The following RAPH1 variants were observed in gnomAD, a reference collection of about 807,000 sequenced individuals.
RAPH1 encodes Ras association (RalGDS/AF-6) and pleckstrin homology domains 1.
In RAPH1, 18 loss-of-function variants were observed where a neutral mutation model predicts 88.1. The ratio of observed to expected loss-of-function variants is 0.20; its 90% CI spans 0.14 to 0.30. The LOEUF (loss-of-function observed/expected upper bound fraction) is 0.30. Among genes scored for constraint, RAPH1 ranks in the 10% least tolerant of loss-of-function variants. RAPH1 has a pLI of 1.00. For missense variants in RAPH1, 1,448 were observed against 1,543.2 expected (o/e 0.94, Z 1.03); for synonymous variants, 587 against 559.0 (o/e 1.05, Z -0.71).
chr2:203,506,781 TAG>T lies in RAPH1; in HGVS notation c.1-11430_1-11429del, dbSNP rs1408468992. 7.9e-3 allele frequency among the ~76,000 whole-genome samples: 638 copies of T among 81,202 alleles called. 16 individuals carry two copies. The highest frequency in any genetic ancestry group is 0.018 in the African/African-American group (323 of 18,300). The allele number at this position is 81,202 out of a possible 152,430, so 53.3% of individuals were successfully genotyped here. On this transcript the variant is annotated intron_variant, in intron 1 of 13. Coordinates refer to ENST00000319170, the MANE Select transcript of RAPH1 (RefSeq NM_213589.3). The stretch of plus-strand genomic sequence containing the variant: ...ATCTATATATATATCTATATATATC[TAG>T]ATATATATATCTATATATATATCTA...
intron 7 of RAPH1, among the ~76,000 whole-genome samples, chr2:203,459,630 G>C (rs1048591627): frequency 6.6e-6 from 1 of 152,120 alleles, no homozygotes. Flanking sequence ...AAAAGACCTG[G>C]TAACTCACTA....
At chr2:203,460,532 G>A (rs2098523440) in intron 6 of RAPH1, among the ~76,000 whole-genome samples, 1 of 152,014 alleles carries the variant, frequency 6.6e-6, no homozygotes, top group Non-Finnish European at 1.5e-5. Flanking sequence ...TTCTAGATAT[G>A]GATTCTTTGA....
intron 1 of RAPH1, among the ~76,000 whole-genome samples, chr2:203,502,130 G>C (rs960387892): frequency 6.6e-6 from 1 of 152,220 alleles, no homozygotes; most frequent in African/African-American, 2.4e-5. Context: ...ATAGAAGCAA[G>C]CCTGAATTAA....
rs1464061995 is a variant in RAPH1, at chr2:203,435,751, A to G, written c.*3686T>C. On this transcript the variant is annotated 3_prime_UTR_variant, in exon 14 of 14. Transcript: ENST00000319170. ...TATGAAAAACTTTTGGTAATGTACAAAAATAGGAATGGGTTTTTTACCTGT... is the reference window on the plus strand; with the variant it reads ...TATGAAAAACTTTTGGTAATGTACAGAAATAGGAATGGGTTTTTTACCTGT... The G allele has an allele frequency of 6.6e-6, 1 of 152,190 alleles. No homozygotes were observed. The highest frequency in any genetic ancestry group is 6.5e-5 in the Admixed American group (1 of 15,276). 9.4% of individuals were successfully genotyped at this position (152,190 alleles called of 1,614,324 possible). A position where few individuals can be genotyped will look rare whatever the true frequency, so the allele number is the denominator to read the frequency against.
intron 4 of RAPH1, among the ~76,000 whole-genome samples, chr2:203,464,200 G>A (rs1033793453): frequency 1.1e-4 from 17 of 152,206 alleles, no homozygotes; most frequent in African/African-American, 3.9e-4. Flanking sequence ...TTCCTGAAAA[G>A]TAAATTTAAA....
At chr2:203,476,551 G>C (rs1687462671) in intron 4 of RAPH1, among the ~76,000 whole-genome samples, 2 of 151,984 alleles carry the variant, frequency 1.3e-5, no homozygotes, top group Admixed American at 1.3e-4. Flanking sequence ...ACACAATTCA[G>C]ATTAACCACA....
intron 2 of RAPH1, among the ~76,000 whole-genome samples, chr2:203,492,743 T>G (rs1319994471): frequency 6.6e-6 from 1 of 151,616 alleles, no homozygotes; most frequent in Non-Finnish European, 1.5e-5. Flanking sequence ...TTTAAAAGAA[T>G]GCTGGATACT....
At chr2:203,480,760 T>C (rs1687684452) in intron 4 of RAPH1, among the ~76,000 whole-genome samples, 1 of 152,208 alleles carries the variant, frequency 6.6e-6, no homozygotes, top group Non-Finnish European at 1.5e-5. Flanking sequence ...TCATCTTTAC[T>C]GACACACGTA....
chr2:203,452,980 C>T (rs899395410), intron 10 of RAPH1, among the ~76,000 whole-genome samples: 7 of 152,116 alleles, frequency 4.6e-5, no homozygotes, highest in African/African-American at 7.2e-5. Context: ...ATTACACTAG[C>T]GTGAAGATAC....
chr2:203,462,558 T>C (rs2098524997), intron 4 of RAPH1, among the ~76,000 whole-genome samples: 1 of 152,244 alleles, frequency 6.6e-6, no homozygotes, highest in Non-Finnish European at 1.5e-5. Context: ...CAATGTCTTA[T>C]GTCAGTAAAT....
Position 203,490,053 on chromosome 2 carries a change from G to A in RAPH1, c.263C>T (p.Ala88Val). 1.2e-6 allele frequency: 2 copies of A among 1,613,434 alleles called. No homozygotes were observed. Among genetic ancestry groups the A allele is most frequent in the South Asian group, 2.2e-5 (2 of 91,042 alleles). ...TATAGAGCAAAGATCAGCCATCAAG[G>A]CATCCAGATCCACAGTCTCTCCCTG... ...LNQGETVDLD[A>V]LMADLCSIEQ... is the part of the protein sequence containing the mutation. Residue 88 changes from alanine (A) to valine (V), a missense_variant, in exon 4 of 14, where the codon GCC becomes GTC. Physicochemically the swap from Ala to Val is moderately conservative, Grantham distance 64. Around this residue, in one of 2 missense-constraint regions of RAPH1, gnomAD observed 513 missense variants for 653.1 expected, o/e 0.79. Coordinates refer to ENST00000319170, the MANE Select transcript of RAPH1 (RefSeq NM_213589.3).
intron 1 of RAPH1, among the ~76,000 whole-genome samples, chr2:203,516,581 T>C (rs1458987696): frequency 6.6e-6 from 1 of 152,068 alleles, no homozygotes; most frequent in Non-Finnish European, 1.5e-5. Context: ...AAACCCCGTC[T>C]CTACTGAAAA....
chr2:203,448,594 T>C lies in RAPH1; in HGVS notation c.1512+144A>G. 3 of 510,538 alleles carry C rather than the reference T, an allele frequency of 5.9e-6. No individual in the cohort carries two copies. In the South Asian group the frequency reaches 1.2e-4, roughly 20 times the overall value. The allele number at this position is 510,538 out of a possible 1,614,324, so 31.6% of individuals were successfully genotyped here. ...TATAAACAAGGAAAAAAGACAACAT[T>C]TAAAACTTGAAACTTAGGCCTGAAA... On this transcript the variant is annotated intron_variant, in intron 11 of 13. Transcript: ENST00000319170. This position sits in a 1 kb window ranked among gnomAD's most constrained non-coding sequence, Gnocchi z 4.1.
intron 1 of RAPH1, among the ~76,000 whole-genome samples, chr2:203,521,518 C>T (rs1367678074): frequency 6.6e-6 from 1 of 152,076 alleles, no homozygotes; most frequent in East Asian, 1.9e-4. Flanking sequence ...TCATTGTATA[C>T]ATTACACCTC....
chr2:203,490,656 A>G (rs1688218375), intron 3 of RAPH1, among the ~76,000 whole-genome samples: 1 of 152,182 alleles, frequency 6.6e-6, no homozygotes. Flanking sequence ...TACTTTGTCA[A>G]TTATTAATAA....
In RAPH1 at chr2:203,455,425, G is replaced by C. The variant is rs775769855; in HGVS notation, c.1302+12C>G. ...TAATGAGGAAGTTCAAATTCCAACA[G>C]AAGGGACACACCTTTGCTTTTCCTT... On this transcript the variant is annotated intron_variant, in intron 9 of 13. Transcript: ENST00000319170. 2 of 1,606,546 alleles carry C rather than the reference G, an allele frequency of 1.2e-6. No homozygotes were observed. Among genetic ancestry groups the C allele is most frequent in the Non-Finnish European group, 1.7e-6 (2 of 1,177,174 alleles).
At chr2:203,504,738 T>A (rs1688902904) in intron 1 of RAPH1, among the ~76,000 whole-genome samples, 1 of 152,236 alleles carries the variant, frequency 6.6e-6, no homozygotes, top group Non-Finnish European at 1.5e-5. Flanking sequence ...ACTTTTATGC[T>A]GTTTCTCCTT....
At chr2:203,475,516 ATTATT>A (rs1687379446) in intron 4 of RAPH1, among the ~76,000 whole-genome samples, 1 of 152,170 alleles carries the variant, frequency 6.6e-6, no homozygotes, top group Admixed American at 6.5e-5. Flanking sequence ...TAACACTGAA[ATTATT>A]TTGTCATTAC....
intron 1 of RAPH1, among the ~76,000 whole-genome samples, chr2:203,532,698 CATTTTT>C (rs1700194052): frequency 6.6e-6 from 1 of 152,234 alleles, no homozygotes; most frequent in East Asian, 1.9e-4. Context: ...GTTTAAAATA[CATTTTT>C]ATTGAGATTA....
Sources: allele counts gnomAD v4.1 joint callset (sites outside exome capture counted in the v4.1 genomes callset), GRCh38; gene constraint gnomAD v4.1.1; regional missense constraint gnomAD v4.1.1; non-coding constraint Gnocchi (gnomAD v3.1); transcripts MANE v1.5; gene names NCBI Gene and HGNC (gene_info 2026-07-23, HGNC 2026-07-21).